The following EEF1E1 variants were observed in gnomAD, a reference collection of about 807,000 sequenced individuals.
The protein encoded by EEF1E1 is eukaryotic translation elongation factor 1 epsilon-1.
EEF1E1 carries 19 observed loss-of-function variants against 19.9 expected under a neutral mutation model. The observed-to-expected ratio is 0.95, with a 90% CI of 0.66 to 1.40. The LOEUF (loss-of-function observed/expected upper bound fraction) is 1.40. Ranked by LOEUF, EEF1E1 falls within the 40% of genes most tolerant of loss-of-function variation. The pLI, the probability that EEF1E1 is intolerant of heterozygous loss-of-function variation, is 0.00. For synonymous variants in EEF1E1, 81 were observed against 80.0 expected (o/e 1.01, Z -0.07); for missense variants, 198 against 202.2 (o/e 0.98, Z 0.13).
intron 3 of EEF1E1, among the ~76,000 whole-genome samples, chr6:8,086,781 C>T (rs940932207): frequency 6.6e-6 from 1 of 152,088 alleles, no homozygotes; most frequent in Non-Finnish European, 1.5e-5. Context: ...TAGAGAAATA[C>T]GTTTAAAAAT....
chr6:8,102,406 T>G (rs774666161), intron 1 of EEF1E1, 29 bp downstream of exon 1: 99 of 1,601,778 alleles, frequency 6.2e-5, no homozygotes, highest in Non-Finnish European at 8.3e-5. Context: ...CGTCCACCTC[T>G]TCCCCTCCGC....
chr6:8,091,444 A>T (rs6926897), intron 2 of EEF1E1, among the ~76,000 whole-genome samples: 112,669 of 152,146 alleles, frequency 0.74, 42,578 homozygotes, highest in African/African-American at 0.88. Context: ...TAACCCCTTA[A>T]CAAACATATG....
chr6:8,079,110 T>C (rs538216702), downstream of EEF1E1, among the ~76,000 whole-genome samples: 271 of 152,308 alleles, frequency 1.8e-3, 3 homozygotes, highest in African/African-American at 6.3e-3. Context: ...ACTTTAACAG[T>C]AGTCTTTCCA....
chr6:8,101,243 A>AAAAAAAAAT (rs1271033598), intron 1 of EEF1E1, among the ~76,000 whole-genome samples: 11 of 58,470 alleles, frequency 1.9e-4, no homozygotes, highest in South Asian at 1.5e-3. Flanking sequence ...AAAAAAAAAA[A>AAAAAAAAAT]ATATATATAT....
At chr6:8,086,286 C>G (rs559654165) in intron 3 of EEF1E1, among the ~76,000 whole-genome samples, 1 of 152,262 alleles carries the variant, frequency 6.6e-6, no homozygotes, top group Admixed American at 6.5e-5. Flanking sequence ...CTGGAGGGAA[C>G]TGCATTCCAT....
chr6:8,075,100 G>A (rs1221642787), downstream of EEF1E1, among the ~76,000 whole-genome samples: 1 of 152,198 alleles, frequency 6.6e-6, no homozygotes, highest in Non-Finnish European at 1.5e-5. Flanking sequence ...GAAGACAGAA[G>A]TGTTGGGGCT....
chr6:8,078,001 T>C (rs1299525586), downstream of EEF1E1, among the ~76,000 whole-genome samples: 1 of 152,202 alleles, frequency 6.6e-6, no homozygotes, highest in Non-Finnish European at 1.5e-5. Context: ...GGTCTTGAAC[T>C]CTTGGGCTCA....
chr6:8,088,350 G>C (rs1473751850), intron 3 of EEF1E1, among the ~76,000 whole-genome samples: 1 of 152,144 alleles, frequency 6.6e-6, no homozygotes, highest in Non-Finnish European at 1.5e-5. Flanking sequence ...ATGGTGATAT[G>C]GTTTGGCTGT....
At chr6:8,095,326 C>A (rs1414444693) in intron 2 of EEF1E1, 3 of 395,808 alleles carry the variant, frequency 7.6e-6, no homozygotes, top group South Asian at 1.8e-5. Flanking sequence ...CATGATGAAA[C>A]CCTATCTCTA....
rs1758089055 is a variant in EEF1E1, at chr6:8,093,792, A to T, written c.288+3475T>A. Among the ~76,000 whole-genome samples the T allele has an allele frequency of 2.0e-5, 3 of 152,026 alleles. No individual in the cohort carries two copies. In the South Asian group the frequency reaches 6.2e-4, roughly 31 times the overall value. ...GACACATTAATAATTGTATTAAAAAAAAAAGCAAATAATTTTTTTTTTTGA... is the reference window on the plus strand; with the variant it reads ...GACACATTAATAATTGTATTAAAAATAAAAGCAAATAATTTTTTTTTTTGA... On this transcript the variant is annotated intron_variant, in intron 2 of 3. Coordinates refer to ENST00000379715, the MANE Select transcript of EEF1E1 (RefSeq NM_004280.5).
Position 8,083,204 on chromosome 6 carries a change from G to A in EEF1E1, c.385-3174C>T, listed in dbSNP as rs1025910368. Among the ~76,000 whole-genome samples the A allele has an allele frequency of 1.3e-5, 2 of 152,212 alleles. 1 individual carries two copies. The highest frequency in any genetic ancestry group is 1.3e-4 in the Admixed American group (2 of 15,280). On this transcript the variant is annotated intron_variant, in intron 3 of 3. Transcript: ENST00000379715. ...TGAAGTCATGTGAGAAACACTTTAA[G>A]TGAACCGTTCCGGATCAGGGTGACA... is the stretch of plus-strand genomic sequence containing the variant.
At chr6:8,083,666 G>A (rs17606242) in intron 3 of EEF1E1, among the ~76,000 whole-genome samples, 9,235 of 152,284 alleles carry the variant, frequency 0.061, 381 homozygotes, top group Non-Finnish European at 0.088. Flanking sequence ...ACAAAATACA[G>A]TGGAATTATC....
At position 8,079,638 on chromosome 6, in the gene EEF1E1, T is replaced by C; in HGVS notation, c.*252A>G. 1.7e-6 allele frequency: 2 copies of C among 1,144,114 alleles called. No homozygotes were observed. Among genetic ancestry groups the C allele is most frequent in the Non-Finnish European group, 2.2e-6 (2 of 929,410 alleles). 70.9% of individuals were successfully genotyped at this position (1,144,114 alleles called of 1,614,324 possible). ...GCAACTTTTATTGAAATAAATGTCA[T>C]CTACTAAAAACAAGGTTAATTTATA... On this transcript the variant is annotated 3_prime_UTR_variant, in exon 4 of 4. Transcript: ENST00000379715.
Position 8,094,411 on chromosome 6 carries a change from A to T in EEF1E1, c.288+2856T>A, listed in dbSNP as rs925877416. Among the ~76,000 whole-genome samples, 3 of 152,030 alleles carry T rather than the reference A, an allele frequency of 2.0e-5. No individual in the cohort carries two copies. The South Asian group carries it at 6.2e-4, about 32-fold the overall frequency. ...TAGGAATTCGAGATCAGCCTGGCCA[A>T]CATGCTGAAACCCCATCTCTACTAA... On this transcript the variant is annotated intron_variant, in intron 2 of 3. Coordinates refer to ENST00000379715, the MANE Select transcript of EEF1E1 (RefSeq NM_004280.5).
At chr6:8,086,950 G>A (rs968645879) in intron 3 of EEF1E1, among the ~76,000 whole-genome samples, 2 of 152,136 alleles carry the variant, frequency 1.3e-5, no homozygotes, top group African/African-American at 2.4e-5. Flanking sequence ...AGCTAGACCC[G>A]AAGTGTACAT....
downstream of EEF1E1, among the ~76,000 whole-genome samples, chr6:8,078,316 A>G (rs567660158): frequency 2.0e-5 from 3 of 152,194 alleles, no homozygotes; most frequent in South Asian, 4.1e-4. Flanking sequence ...AAGGAAAAGG[A>G]AAGAAGGGGA....
intron 3 of EEF1E1, among the ~76,000 whole-genome samples, chr6:8,081,394 T>A (rs553013917): frequency 5.3e-4 from 81 of 152,342 alleles, no homozygotes; most frequent in African/African-American, 1.8e-3. Flanking sequence ...AGTATGTCTT[T>A]TTTAACGTAA....
chr6:8,078,195 T>C (rs1757641759), downstream of EEF1E1, among the ~76,000 whole-genome samples: 1 of 152,192 alleles, frequency 6.6e-6, no homozygotes, highest in Non-Finnish European at 1.5e-5. Context: ...CTTAATCATT[T>C]CTAGAGAGAG....
Position 8,097,409 on chromosome 6 carries a change from G to A in EEF1E1, c.146C>T (p.Ala49Val), listed in dbSNP as rs1316047447. 3 of 1,614,084 alleles carry A rather than the reference G, an allele frequency of 1.9e-6. No homozygotes were observed. Among genetic ancestry groups the A allele is most frequent in the Non-Finnish European group, 2.5e-6 (3 of 1,180,018 alleles). ...PSLTGLTTIA[A>V]HLVKQANKEY... ...TTTGTTGGCTTGCTTGACTAGATGA[G>A]CTGCTATAGTAGTCAATCCTGTTAG... The change falls in exon 2 of 4, where the codon GCT (alanine) becomes GTT (valine). Residue 49 changes from alanine to valine, a missense_variant. Ala to Val is a moderately conservative substitution (Grantham distance 64). Transcript: ENST00000379715.
Sources: gnomAD v4.1 joint callset for allele counts (sites outside exome capture counted in the v4.1 genomes callset) on GRCh38, gnomAD v4.1.1 for gene constraint, MANE v1.5 for transcripts, NCBI Gene and HGNC (gene_info 2026-07-23, HGNC 2026-07-21) for gene names.